The following NUP155 variants were observed in gnomAD, a reference collection of about 807,000 sequenced individuals.
The protein encoded by NUP155 is nuclear pore complex protein Nup155.
NUP155 carries 71 observed loss-of-function variants against 180.4 expected under a neutral mutation model. The ratio of observed to expected loss-of-function variants is 0.39; its 90% CI spans 0.33 to 0.48. NUP155 has a LOEUF of 0.48. Ranked by LOEUF, NUP155 falls within the 20% of genes least tolerant of loss-of-function variation. NUP155 has a pLI of 0.91. For synonymous variants in NUP155, 582 were observed against 559.5 expected (o/e 1.04, Z -0.57); for missense variants, 1,553 against 1,648.9 (o/e 0.94, Z 1.01).
chr5:37,317,418 G>A (rs1214454031), intron 21 of NUP155, among the ~76,000 whole-genome samples: 1 of 151,680 alleles, frequency 6.6e-6, no homozygotes, highest in African/African-American at 2.4e-5. Context: ...AACCCAGGAG[G>A]CAGAGGTTGC....
intron 24 of NUP155, 111 bp downstream of exon 24, chr5:37,309,018 A>C: frequency 1.8e-6 from 2 of 1,134,016 alleles, no homozygotes; most frequent in Non-Finnish European, 2.6e-6. Flanking sequence ...CTGATGCTGA[A>C]AGAAGATTTG....
chr5:37,330,648 C>T (rs980910303), intron 14 of NUP155, among the ~76,000 whole-genome samples: 9 of 152,058 alleles, frequency 5.9e-5, no homozygotes, highest in African/African-American at 9.7e-5. Context: ...CAATTTTAAC[C>T]GTATCAATTC....
intron 7 of NUP155, 26 bp downstream of exon 7, chr5:37,350,134 T>C: frequency 6.6e-7 from 1 of 1,522,830 alleles, no homozygotes. Context: ...TAGTTGTACT[T>C]GCCAAATTTA....
intron 9 of NUP155, among the ~76,000 whole-genome samples, chr5:37,346,671 C>T (rs1314478217): frequency 1.4e-5 from 2 of 147,896 alleles, no homozygotes; most frequent in South Asian, 2.1e-4. Flanking sequence ...GACTTTGTCT[C>T]GGAAACAAAA....
intron 23 of NUP155, 23 bp from the exon 24 acceptor site, chr5:37,309,290 C>G (rs1216976889): frequency 6.3e-7 from 1 of 1,591,580 alleles, no homozygotes; most frequent in Non-Finnish European, 8.6e-7. Flanking sequence ...ATAACAAGAA[C>G]TTAAAAATAT....
chr5:37,344,717 C>T (rs1745963278), intron 9 of NUP155, among the ~76,000 whole-genome samples: 1 of 151,688 alleles, frequency 6.6e-6, no homozygotes, highest in Non-Finnish European at 1.5e-5. Flanking sequence ...ACTAAAAATA[C>T]AAAAATTACC....
At chr5:37,321,444 C>T (rs1038209396) in intron 20 of NUP155, among the ~76,000 whole-genome samples, 3 of 151,666 alleles carry the variant, frequency 2.0e-5, no homozygotes, top group Non-Finnish European at 4.4e-5. Flanking sequence ...ACAGGCCAGG[C>T]GCGGTGGCTC....
chr5:37,302,815 A>G lies in NUP155; in HGVS notation c.3411T>C (p.Asp1137=). ...CTTCTAATTCATGAAGAAATTCACCATCGGCAGCTATTGATGAAATGGCAG... is the reference window on the plus strand; with the variant it reads ...CTTCTAATTCATGAAGAAATTCACCGTCGGCAGCTATTGATGAAATGGCAG... ...SSTAISSIAA[D]GEFLHELEEK... The change falls in exon 29 of 35, where the codon GAT becomes GAC. Residue 1137 remains aspartate, a synonymous_variant. Coordinates refer to ENST00000231498, the MANE Select transcript of NUP155 (RefSeq NM_153485.3). 1 of 1,614,090 alleles carries G rather than the reference A, an allele frequency of 6.2e-7. No homozygotes were observed. Among genetic ancestry groups the G allele is most frequent in the Non-Finnish European group, 8.5e-7 (1 of 1,179,970 alleles).
Position 37,291,356 on chromosome 5 carries a change from C to A in NUP155, c.*544G>T, listed in dbSNP as rs924448071. ...TCCCGGGTTCAAGTGATTCGCCTCC[C>A]TCAGCCTCCCGAGTAGCTGGGATTA... On this transcript the variant is annotated 3_prime_UTR_variant, in exon 35 of 35. Transcript: ENST00000231498. 1.3e-5 allele frequency: 2 copies of A among 153,256 alleles called. No individual in the cohort carries two copies. The highest frequency in any genetic ancestry group is 2.9e-5 in the Non-Finnish European group (2 of 68,918). The allele number at this position is 153,256 out of a possible 1,614,324, so 9.5% of individuals were successfully genotyped here.
chr5:37,315,875 G>A (rs1200777505), intron 21 of NUP155, among the ~76,000 whole-genome samples: 1 of 152,196 alleles, frequency 6.6e-6, no homozygotes, highest in African/African-American at 2.4e-5. Flanking sequence ...GGGAGGTGGA[G>A]GCTGCAGTGA....
intron 9 of NUP155, among the ~76,000 whole-genome samples, chr5:37,343,827 G>A (rs902422678): frequency 6.6e-6 from 1 of 152,050 alleles, no homozygotes; most frequent in African/African-American, 2.4e-5. Context: ...CAAGGTGGAG[G>A]TTGCAGTGAG....
chr5:37,327,106 T>C (rs1351099674), intron 18 of NUP155: 2 of 157,064 alleles, frequency 1.3e-5, no homozygotes, highest in Non-Finnish European at 2.8e-5. Flanking sequence ...GGTAAGAATA[T>C]AGTGTATAAC....
In NUP155 at chr5:37,341,104, G is replaced by C; in HGVS notation, c.1232C>G (p.Ala411Gly). Residue 411 changes from alanine (A) to glycine (G), a missense_variant, in exon 11 of 35, where the codon GCT becomes GGT. Transcript: ENST00000231498. ...TCAGAACTTACCTTTACTATAAAGAGCTCTATGTACTTTTGAAGGCTTTTC... is the reference window on the plus strand; with the variant it reads ...TCAGAACTTACCTTTACTATAAAGACCTCTATGTACTTTTGAAGGCTTTTC... ...TVEKPSKVHR[A>G]LYSKGILLMA... 6.2e-7 allele frequency: 1 copy of C among 1,612,232 alleles called. No individual in the cohort carries two copies. Among genetic ancestry groups the C allele is most frequent in the Non-Finnish European group, 8.5e-7 (1 of 1,178,370 alleles).
At chr5:37,292,840 T>G (rs1217160448) in intron 34 of NUP155, 39 bp downstream of exon 34, 1 of 1,338,966 alleles carries the variant, frequency 7.5e-7, no homozygotes, top group African/African-American at 1.4e-5. Context: ...TAGAAGCATT[T>G]AAAAGCTTTT....
chr5:37,359,657 A>G (rs1747070117), intron 3 of NUP155, among the ~76,000 whole-genome samples: 1 of 152,180 alleles, frequency 6.6e-6, no homozygotes, highest in East Asian at 1.9e-4. Context: ...TACAGTATCT[A>G]CTGTCTTAAC....
chr5:37,329,215 G>A lies in NUP155; in HGVS notation c.1788C>T (p.Pro596=). Residue 596 remains proline, a synonymous_variant, in exon 16 of 35, where the codon CCC becomes CCT. Coordinates refer to ENST00000231498, the MANE Select transcript of NUP155 (RefSeq NM_153485.3). ...TAGAATAGACAGGAGACCCCAAGAT[G>A]GGACCAACATTACTTGGAGGCGGAA... is the stretch of plus-strand genomic sequence containing the variant. ...TTLPPPSNVG[P]ILGSPVYSSS... 3.1e-6 allele frequency: 5 copies of A among 1,613,604 alleles called. No individual in the cohort carries two copies. Among genetic ancestry groups the A allele is most frequent in the Non-Finnish European group, 3.4e-6 (4 of 1,179,600 alleles).
chr5:37,308,777 G>A (rs1425464383), intron 24 of NUP155, among the ~76,000 whole-genome samples: 1 of 151,476 alleles, frequency 6.6e-6, no homozygotes, highest in Admixed American at 6.6e-5. Context: ...CTACCCGGGA[G>A]GCTGAGGCAG....
In NUP155 at chr5:37,333,538, A is replaced by G; in HGVS notation, c.1443T>C (p.Ile481=). The G allele has an allele frequency of 6.2e-7, 1 of 1,613,984 alleles. No homozygotes were observed. The highest frequency in any genetic ancestry group is 8.5e-7 in the Non-Finnish European group (1 of 1,179,852). The change falls in exon 13 of 35, where the codon ATT becomes ATC. Residue 481 remains isoleucine, a synonymous_variant. Transcript: ENST00000231498. ...KIITPLNKDH[I]PITDSPVVVQ... Reference sequence around the variant, plus strand: ...CAACAACTGGTGAATCAGTTATTGGAATATGATCCTTGTTTAAAGGTGTAA... The same window carrying G: ...CAACAACTGGTGAATCAGTTATTGGGATATGATCCTTGTTTAAAGGTGTAA...
rs1396589601 is a variant in NUP155 at position 37,342,613 on chromosome 5, G to C, written c.1029C>G (p.Val343=). 1 of 1,612,838 alleles carries C rather than the reference G, an allele frequency of 6.2e-7. No homozygotes were observed. The highest frequency in any genetic ancestry group is 8.5e-7 in the Non-Finnish European group (1 of 1,178,956). Residue 343 remains valine, a synonymous_variant, in exon 10 of 35, where the codon GTC becomes GTG. Coordinates refer to ENST00000231498, the MANE Select transcript of NUP155 (RefSeq NM_153485.3). ...CAGAATTTTCAATCACTGCTATTTGGACAATTGGTTTAAAAACAGAACGAT... is the reference window on the plus strand; with the variant it reads ...CAGAATTTTCAATCACTGCTATTTGCACAATTGGTTTAAAAACAGAACGAT... ...TIDRSVFKPI[V]QIAVIENSES...
Sources: gnomAD v4.1 joint callset for allele counts (sites outside exome capture counted in the v4.1 genomes callset) on GRCh38, gnomAD v4.1.1 for gene constraint, MANE v1.5 for transcripts, NCBI Gene and HGNC (gene_info 2026-07-23, HGNC 2026-07-21) for gene names.